Variants in SHQ1 observed in about 807,000 individuals in gnomAD.
SHQ1 encodes SHQ1, H/ACA ribonucleoprotein assembly factor.
SHQ1 carries 49 observed loss-of-function variants against 53.8 expected under a neutral mutation model. That is an observed-to-expected ratio of 0.91 (90% CI 0.72 to 1.16). The LOEUF (loss-of-function observed/expected upper bound fraction) is 1.16. Ranked by LOEUF, SHQ1 falls within the 50% of genes most tolerant of loss-of-function variation. SHQ1 has a pLI of 0.00. For missense variants in SHQ1, 738 were observed against 683.1 expected, an observed-to-expected ratio of 1.08 and a Z score of -0.90; for synonymous variants, 243 against 251.0, an observed-to-expected ratio of 0.97 and a Z score of 0.30.
intron 10 of SHQ1, among the ~76,000 whole-genome samples, chr3:72,763,058 C>G (rs202224773): frequency 5.2e-5 from 7 of 134,644 alleles, no homozygotes; most frequent in East Asian, 4.3e-4. Context: ...CACACACACA[C>G]ACACAGAGAG....
intron 5 of SHQ1, among the ~76,000 whole-genome samples, chr3:72,827,830 C>CTG (rs1370064275): frequency 1.3e-5 from 2 of 149,176 alleles, no homozygotes; most frequent in Admixed American, 6.7e-5. Flanking sequence ...TCTCGGCTCA[C>CTG]TGCAAGCTCC....
chr3:72,756,850 C>G (rs1012802653), intron 10 of SHQ1, among the ~76,000 whole-genome samples: 2 of 152,182 alleles, frequency 1.3e-5, no homozygotes, highest in African/African-American at 4.8e-5. Flanking sequence ...AGTTATGCTA[C>G]ATGTAACTAC....
chr3:72,751,476 A>ATATG (rs564422148), intron 10 of SHQ1, among the ~76,000 whole-genome samples: 14 of 109,642 alleles, frequency 1.3e-4, no homozygotes, highest in African/African-American at 5.9e-4. Context: ...ATAAGCACAT[A>ATATG]TGTGTGTGTG....
chr3:72,828,119 C>A (rs751982991), intron 5 of SHQ1, among the ~76,000 whole-genome samples: 8 of 152,278 alleles, frequency 5.3e-5, no homozygotes, highest in Non-Finnish European at 1.0e-4. Context: ...CGTGCATCAT[C>A]AGGAAGATGA....
chr3:72,778,456 A>G (rs1706003851), intron 10 of SHQ1, among the ~76,000 whole-genome samples: 1 of 149,948 alleles, frequency 6.7e-6, no homozygotes, highest in Admixed American at 6.6e-5. Context: ...TTAAAAAAAG[A>G]AAAGAAAAGA....
intron 10 of SHQ1, chr3:72,772,926 T>C: frequency 1.2e-6 from 1 of 850,514 alleles, no homozygotes; most frequent in South Asian, 1.4e-5. Flanking sequence ...GGGAGTTATT[T>C]GACCAGCATG....
chr3:72,823,305 T>C lies in SHQ1; in HGVS notation c.727+1119A>G, dbSNP rs150511332. 3.2e-3 allele frequency among the ~76,000 whole-genome samples: 480 copies of C among 152,266 alleles called. 6 individuals carry two copies. Among genetic ancestry groups the C allele is most frequent in the African/African-American group, 0.011 (451 of 41,556 alleles). On this transcript the variant is annotated intron_variant, in intron 6 of 10. Transcript: ENST00000325599. ...AACCATAAAAACATTTATTACAATA[T>C]TTATAGATATTTACTGAGTACCTTT...
chr3:72,790,563 A>G (rs1706401755), intron 10 of SHQ1, among the ~76,000 whole-genome samples: 1 of 135,136 alleles, frequency 7.4e-6, no homozygotes, highest in African/African-American at 2.8e-5. Context: ...AAGTGAGGAA[A>G]AAATTCCTTA....
chr3:72,770,050 G>A (rs1339522623), intron 10 of SHQ1, among the ~76,000 whole-genome samples: 1 of 152,216 alleles, frequency 6.6e-6, no homozygotes, highest in African/African-American at 2.4e-5. Context: ...CTGGTATGCA[G>A]TAAGCCCTTG....
intron 9 of SHQ1, among the ~76,000 whole-genome samples, chr3:72,802,682 T>A (rs1337715221): frequency 6.6e-6 from 1 of 152,162 alleles, no homozygotes; most frequent in Non-Finnish European, 1.5e-5. Context: ...TACACATTCT[T>A]TAGTAACTAC....
chr3:72,787,681 G>A (rs1706277896), intron 10 of SHQ1, among the ~76,000 whole-genome samples: 1 of 152,116 alleles, frequency 6.6e-6, no homozygotes, highest in Non-Finnish European at 1.5e-5. Flanking sequence ...TGCTTCCACT[G>A]GTTTAAAAAT....
rs1444853961 is a variant in SHQ1, at chr3:72,751,535, T to TATACAC, written c.1182-700_1182-699insGTGTAT. On this transcript the variant is annotated intron_variant, in intron 10 of 10. Coordinates refer to ENST00000325599, the MANE Select transcript of SHQ1 (RefSeq NM_018130.3). ...ATATATATATATATATATATACATA[T>TATACAC]ACATACACTAATAAAGCCTAACTCT... Among the ~76,000 whole-genome samples the TATACAC allele has an allele frequency of 9.9e-4, 138 of 139,948 alleles. 2 individuals carry two copies. Among genetic ancestry groups the TATACAC allele is most frequent in the Non-Finnish European group, 1.6e-3 (109 of 66,486 alleles). The allele number at this position is 139,948 out of a possible 152,430, so 91.8% of individuals were successfully genotyped here.
At chr3:72,825,674 G>C (rs1707629784) in intron 5 of SHQ1, among the ~76,000 whole-genome samples, 1 of 152,014 alleles carries the variant, frequency 6.6e-6, no homozygotes, top group Non-Finnish European at 1.5e-5. Context: ...GCATTAACAA[G>C]GTATAACTCA....
At chr3:72,729,475 T>G in the SHQ1 span, among the ~76,000 whole-genome samples, 1 of 152,164 alleles carries the variant, frequency 6.6e-6, no homozygotes, top group Non-Finnish European at 1.5e-5. Flanking sequence ...TAGCCACAAA[T>G]TCCAGGTCTT....
rs1254924302 is a variant in SHQ1 at position 72,749,577 on chromosome 3, C to T, written c.*707G>A. The T allele has an allele frequency of 4.1e-5, 9 of 221,226 alleles. No individual in the cohort carries two copies. The South Asian group carries it at 9.3e-4, about 23-fold the overall frequency. The allele number at this position is 221,226 out of a possible 1,614,324, so 13.7% of individuals were successfully genotyped here. A position where few individuals can be genotyped will look rare whatever the true frequency, so the allele number is the denominator to read the frequency against. On this transcript the variant is annotated 3_prime_UTR_variant, in exon 11 of 11. Coordinates refer to ENST00000325599, the MANE Select transcript of SHQ1 (RefSeq NM_018130.3). ...GGCACTTGGGAATGATGGGTCCGTT[C>T]CTCACTTCAGTTGTGGTGATAGTTT...
At position 72,829,044 on chromosome 3, in the gene SHQ1, G is replaced by GA. The variant is rs775935321; in HGVS notation, c.599+3324dup. ...GATGAGGGCCAGAAACTGATGAAGT[G>GA]AAAAAAAAAAAAAATACTACAGAGA... On this transcript the variant is annotated intron_variant, in intron 5 of 10. Transcript: ENST00000325599. Among the ~76,000 whole-genome samples, 750 of 134,718 alleles carry GA rather than the reference G, an allele frequency of 5.6e-3. 7 individuals are homozygous for GA. The highest frequency in any genetic ancestry group is 0.016 in the African/African-American group (592 of 36,900). The allele number at this position is 134,718 out of a possible 152,430, so 88.4% of individuals were successfully genotyped here.
In SHQ1 at chr3:72,749,572, C is replaced by T. The variant is rs1705320371; in HGVS notation, c.*712G>A. ...ACAAGGGCACTTGGGAATGATGGGT[C>T]CGTTCCTCACTTCAGTTGTGGTGAT... On this transcript the variant is annotated 3_prime_UTR_variant, in exon 11 of 11. Transcript: ENST00000325599. 1 of 221,138 alleles carries T rather than the reference C, an allele frequency of 4.5e-6. No homozygotes were observed. Among genetic ancestry groups the T allele is most frequent in the Non-Finnish European group, 9.0e-6 (1 of 110,536 alleles). 13.7% of individuals were successfully genotyped at this position (221,138 alleles called of 1,614,324 possible). A position where few individuals can be genotyped will look rare whatever the true frequency, so the allele number is the denominator to read the frequency against.
At chr3:72,760,233 C>T (rs1226334733) in intron 10 of SHQ1, among the ~76,000 whole-genome samples, 2 of 152,058 alleles carry the variant, frequency 1.3e-5, no homozygotes, top group Non-Finnish European at 2.9e-5. Flanking sequence ...AACAGTAAGT[C>T]AAACAATAAA....
At chr3:72,791,694 G>A in intron 10 of SHQ1, among the ~76,000 whole-genome samples, 1 of 151,932 alleles carries the variant, frequency 6.6e-6, no homozygotes, top group Non-Finnish European at 1.5e-5. Context: ...TTCCAATTAA[G>A]AGTTCCCTTT....
Sources: allele counts gnomAD v4.1 joint callset (sites outside exome capture counted in the v4.1 genomes callset), GRCh38; gene constraint gnomAD v4.1.1; transcripts MANE v1.5; gene names NCBI Gene and HGNC (gene_info 2026-07-23, HGNC 2026-07-21).